Variants in ADAM32 observed in about 807,000 individuals in gnomAD.
ADAM32 encodes the protein ADAM metallopeptidase domain 32, also known as disintegrin and metalloproteinase domain-containing protein 32.
Under a neutral mutation model 114.9 loss-of-function variants are expected in ADAM32, and 89 were observed. The ratio of observed to expected loss-of-function variants is 0.77; its 90% confidence interval spans 0.65 to 0.92. The LOEUF (loss-of-function observed/expected upper bound fraction) is 0.92. Ranked by LOEUF, ADAM32 falls within the 40% of genes least tolerant of loss-of-function variation. The pLI is 0.00. For synonymous variants in ADAM32, 285 were observed against 307.5 expected (o/e 0.93, Z 0.77); for missense variants, 870 against 932.8 (o/e 0.93, Z 0.88).
At position 39,191,738 on chromosome 8, in the gene ADAM32, A is replaced by C. The variant is rs193263241; in HGVS notation, c.1052+4693A>C. On this transcript the variant is annotated intron_variant, in intron 11 of 24. Coordinates refer to ENST00000379907, the MANE Select transcript of ADAM32 (RefSeq NM_145004.7). ...GTTGATAGTTTCTTTTGCTGTGCAG[A>C]AGCTCTTTAGTTTTAATCAGATCTC... Among the ~76,000 whole-genome samples the C allele has an allele frequency of 5.9e-5, 9 of 152,226 alleles. No individual in the cohort carries two copies. In the East Asian group the frequency reaches 1.7e-3, roughly 29 times the overall value.
At chr8:39,180,896 G>T (rs1261140883) in intron 10 of ADAM32, among the ~76,000 whole-genome samples, 1 of 152,166 alleles carries the variant, frequency 6.6e-6, no homozygotes, top group East Asian at 1.9e-4. Context: ...TGCACCAATC[G>T]ACACTCTGTA....
chr8:39,267,068 ATGGGG>A (rs1812412686), intron 19 of ADAM32, among the ~76,000 whole-genome samples: 1 of 152,174 alleles, frequency 6.6e-6, no homozygotes, highest in African/African-American at 2.4e-5. Flanking sequence ...CAACCCTCCA[ATGGGG>A]GCTGCCAGCA....
At chr8:39,134,201 A>G (rs6997278) in intron 2 of ADAM32, among the ~76,000 whole-genome samples, 35,209 of 151,766 alleles carry the variant, frequency 0.23, 4,748 homozygotes, top group Non-Finnish European at 0.29. Context: ...TCAGGATGTA[A>G]TCTGTTGGGG....
intron 16 of ADAM32, among the ~76,000 whole-genome samples, chr8:39,237,307 A>G (rs1195832473): frequency 2.0e-5 from 3 of 152,192 alleles, no homozygotes; most frequent in Admixed American, 6.5e-5. Flanking sequence ...AAGGATAAGG[A>G]GACTTCCAGC....
At chr8:39,168,497 A>G (rs1266395400) in intron 9 of ADAM32, 1 of 152,204 alleles carries the variant, frequency 6.6e-6, no homozygotes, top group African/African-American at 2.4e-5. Context: ...TTGCTGTTTA[A>G]TCATATAGCC....
chr8:39,109,461 C>T (rs923039953), intron 1 of ADAM32, among the ~76,000 whole-genome samples: 1 of 152,068 alleles, frequency 6.6e-6, no homozygotes, highest in Admixed American at 6.6e-5. Context: ...GCAGGAGAAT[C>T]GGTTGAACCC....
rs776796272 is a variant in ADAM32, at chr8:39,107,802, C to T, written c.27C>T (p.Ala9=). The change falls in exon 1 of 25, where the codon GCC becomes GCT. Residue 9 remains alanine (A), a synonymous_variant. Transcript: ENST00000379907. ...TGTTCCGCCTCTGGTTGCTGCTGGC[C>T]GGGCTCTGCGGCCTCCTGGCGTCAA... MFRLWLLL[A]GLCGLLASRP... The T allele has an allele frequency of 2.6e-6, 4 of 1,549,508 alleles. No individual in the cohort carries two copies. The highest frequency in any genetic ancestry group is 1.2e-5 in the South Asian group (1 of 83,948).
At chr8:39,279,514 C>T (rs1261415842) in intron 22 of ADAM32, among the ~76,000 whole-genome samples, 1 of 152,154 alleles carries the variant, frequency 6.6e-6, no homozygotes, top group Non-Finnish European at 1.5e-5. Context: ...GAACTCCTGA[C>T]CTTGTGATCC....
In ADAM32 at chr8:39,281,176, T is replaced by C; in HGVS notation, c.2318+2T>C. The C allele has an allele frequency of 7.3e-7, 1 of 1,374,236 alleles. No homozygotes were observed. Among genetic ancestry groups the C allele is most frequent in the South Asian group, 1.8e-5 (1 of 54,654 alleles). The allele number at this position is 1,374,236 out of a possible 1,614,324, so 85.1% of individuals were successfully genotyped here. ...TAGTGCTGAAGCATATACTAGCAGG[T>C]AAGCAGGATAGAAAGTGTTACTTAT... On this transcript the variant is annotated splice_donor_variant, in intron 23 of 24. Transcript: ENST00000379907. LOFTEE classifies it high-confidence loss of function.
intron 16 of ADAM32, among the ~76,000 whole-genome samples, chr8:39,239,201 A>G (rs543071985): frequency 3.9e-5 from 6 of 152,330 alleles, no homozygotes; most frequent in African/African-American, 1.4e-4. Flanking sequence ...AGGAAAACCT[A>G]TCAGATTAAC....
intron 10 of ADAM32, among the ~76,000 whole-genome samples, chr8:39,180,240 T>C (rs7822982): frequency 0.71 from 108,516 of 152,186 alleles, 38,909 homozygotes; most frequent in East Asian, 0.79. Context: ...CCCCAGGCAG[T>C]GAGGGGCTTA....
At chr8:39,279,102 G>T (rs1462928693) in intron 22 of ADAM32, among the ~76,000 whole-genome samples, 2 of 152,010 alleles carry the variant, frequency 1.3e-5, no homozygotes, top group Admixed American at 6.5e-5. Flanking sequence ...GATAGAATTT[G>T]TTTTTATTTA....
At chr8:39,200,552 A>T (rs1249006275) in intron 11 of ADAM32, among the ~76,000 whole-genome samples, 2 of 151,890 alleles carry the variant, frequency 1.3e-5, no homozygotes, top group Non-Finnish European at 2.9e-5. Context: ...GATTGCAAAA[A>T]TTTTCTCCCA....
chr8:39,123,640 T>C (rs1301782491), intron 2 of ADAM32, among the ~76,000 whole-genome samples: 2 of 152,142 alleles, frequency 1.3e-5, no homozygotes, highest in Non-Finnish European at 2.9e-5. Flanking sequence ...TCTATGAACA[T>C]GTATGATACT....
At position 39,110,010 on chromosome 8, in the gene ADAM32, A is replaced by G. The variant is rs371487089; in HGVS notation, c.58+2177A>G. 2.8e-5 allele frequency among the ~76,000 whole-genome samples: 4 copies of G among 145,282 alleles called. No individual in the cohort carries two copies. In the East Asian group the frequency reaches 5.9e-4, roughly 22 times the overall value. On this transcript the variant is annotated intron_variant, in intron 1 of 24. Coordinates refer to ENST00000379907, the MANE Select transcript of ADAM32 (RefSeq NM_145004.7). ...GCCATTTTGGATGGACTTTTTTTTT[A>G]CTTAATAATATGCATTTAAGGTTCT...
At chr8:39,233,530 C>G (rs998402381) in intron 15 of ADAM32, among the ~76,000 whole-genome samples, 1 of 152,130 alleles carries the variant, frequency 6.6e-6, no homozygotes, top group African/African-American at 2.4e-5. Flanking sequence ...GCCTCTTTAT[C>G]TTAATGCTGT....
chr8:39,276,680 C>T (rs6984223), intron 22 of ADAM32, among the ~76,000 whole-genome samples: 22,220 of 152,082 alleles, frequency 0.15, 1,786 homozygotes, highest in Middle Eastern at 0.26. Context: ...AGAATGCCTG[C>T]GTTGCTCATT....
chr8:39,222,854 C>T (rs1328193472), intron 13 of ADAM32, among the ~76,000 whole-genome samples, 186 bp from the exon 14 acceptor site: 1 of 152,000 alleles, frequency 6.6e-6, no homozygotes, highest in Non-Finnish European at 1.5e-5. Flanking sequence ...GTCTTATCTC[C>T]TATTTTAGTC....
chr8:39,184,924 T>A (rs1027999439), intron 10 of ADAM32, among the ~76,000 whole-genome samples: 1 of 152,182 alleles, frequency 6.6e-6, no homozygotes, highest in South Asian at 2.1e-4. Context: ...ACCCACCTTG[T>A]CTCAGTTAAG....
Sources: allele counts gnomAD v4.1 joint callset (sites outside exome capture counted in the v4.1 genomes callset), GRCh38; gene constraint gnomAD v4.1.1; transcripts MANE v1.5; gene names NCBI Gene and HGNC (gene_info 2026-07-23, HGNC 2026-07-21).